Variants in THPO observed in about 807,000 individuals in gnomAD.
The protein encoded by THPO is MPL ligand.
A neutral mutation model predicts 17.0 loss-of-function variants in THPO; 12 were observed. The observed-to-expected ratio is 0.71, with a 90% confidence interval of 0.45 to 1.14. The LOEUF is 1.14. Ranked by LOEUF, THPO falls within the 50% of genes most tolerant of loss-of-function variation. The probability of loss-of-function intolerance (pLI) is 0.00; values close to 1 mark genes in which losing one functional copy is unlikely to be tolerated. For synonymous variants in THPO, 188 were observed against 183.0 expected (o/e 1.03, Z -0.22); for missense variants, 365 against 427.5 (o/e 0.85, Z 1.29).
chr3:184,375,335 C>A (rs1342350915), intron 4 of THPO, among the ~76,000 whole-genome samples, 180 bp downstream of exon 4: 1 of 152,200 alleles, frequency 6.6e-6, no homozygotes, highest in African/African-American at 2.4e-5. Context: ...ACATATTGGA[C>A]CTGCAAGCCA....
At position 184,372,968 on chromosome 3, in the gene THPO, A is replaced by G; in HGVS notation, c.607T>C (p.Leu203=). 6.2e-7 allele frequency: 1 copy of G among 1,614,174 alleles called. No individual in the cohort carries two copies. The highest frequency in any genetic ancestry group is 8.5e-7 in the Non-Finnish European group (1 of 1,180,026). ...GCTGAGGCAGTGAAGTTTGTCTCCAACAATCCAGAAGTCCTGTTTGGGAGC... is the reference window on the plus strand; with the variant it reads ...GCTGAGGCAGTGAAGTTTGTCTCCAGCAATCCAGAAGTCCTGTTTGGGAGC... ...NELPNRTSGL[L]ETNFTASART... is the part of the protein sequence containing the mutation. Residue 203 remains leucine, a synonymous_variant, in exon 6 of 6, where the codon TTG becomes CTG. Coordinates refer to ENST00000647395, the MANE Select transcript of THPO (RefSeq NM_000460.4).
rs1714001155 is a variant in THPO at position 184,372,675 on chromosome 3, A to G, written c.900T>C (p.Pro300=). Residue 300 remains proline (P), a synonymous_variant, in exon 6 of 6, where the codon CCT becomes CCC. Coordinates refer to ENST00000647395, the MANE Select transcript of THPO (RefSeq NM_000460.4). ...GAGGGAAGAGCGTATACTGTCCAGT[A>G]GGAGGATGGGTTGGGGAAGGAGAAT... ...PGYSPSPTHP[P]TGQYTLFPLP... The G allele has an allele frequency of 6.2e-7, 1 of 1,612,994 alleles. No individual in the cohort carries two copies. The highest frequency in any genetic ancestry group is 2.2e-5 in the East Asian group (1 of 44,852).
intron 1 of THPO, among the ~76,000 whole-genome samples, chr3:184,376,855 AAAG>A (rs149956844): frequency 0.076 from 10,748 of 141,172 alleles, 424 homozygotes; most frequent in East Asian, 0.13. Flanking sequence ...CAAAAAAAAA[AAAG>A]AAAGAAAGAA....
chr3:184,377,921 C>G (rs1401784970), intron 1 of THPO, among the ~76,000 whole-genome samples, 154 bp downstream of exon 1: 1 of 152,206 alleles, frequency 6.6e-6, no homozygotes, highest in Non-Finnish European at 1.5e-5. Flanking sequence ...CCCTGCTCTG[C>G]CCTGCTCCTC....
intron 4 of THPO, 136 bp downstream of exon 4, chr3:184,375,379 T>C: frequency 2.4e-6 from 2 of 822,062 alleles, no homozygotes; most frequent in Non-Finnish European, 4.2e-6. Context: ...CATAGGTGAA[T>C]GTAGATTGGG....
chr3:184,379,422 C>T (rs1441930999), upstream of THPO, among the ~76,000 whole-genome samples: 1 of 152,032 alleles, frequency 6.6e-6, no homozygotes, highest in African/African-American at 2.4e-5. Context: ...ACTGTCACTC[C>T]ACAGAAGGGG....
intron 1 of THPO, among the ~76,000 whole-genome samples, chr3:184,376,854 A>AAG (rs1553862297): frequency 2.7e-5 from 4 of 150,616 alleles, no homozygotes; most frequent in Admixed American, 6.6e-5. Context: ...TCAAAAAAAA[A>AAG]AAAGAAAGAA....
rs371189857 is a variant in THPO at position 184,375,641 on chromosome 3, TAGAG to T, written c.142-44_142-41del. ...TGGTGGGGGGAGAAGGGAGCTGAAA[TAGAG>T]AGAGCTATGGTAGCCTAATAAGCAG... On this transcript the variant is annotated intron_variant, in intron 3 of 5. Coordinates refer to ENST00000647395, the MANE Select transcript of THPO (RefSeq NM_000460.4). 1.3e-4 allele frequency: 214 copies of T among 1,601,938 alleles called. 1 individual carries two copies. The Admixed American group carries it at 1.6e-3, about 12-fold the overall frequency.
rs780379594 is a variant in THPO at position 184,372,719 on chromosome 3, G to A, written c.856C>T (p.Pro286Ser). 1.9e-6 allele frequency: 3 copies of A among 1,613,666 alleles called. No homozygotes were observed. The African/African-American group carries it at 4.0e-5, about 22-fold the overall frequency. ...SGTSDTGSLPPNLQPGYSPSP... is the reference protein window; with the variant it reads ...SGTSDTGSLPSNLQPGYSPSP... ...GGAGAATATCCAGGCTGGAGGTTGG[G>A]TGGCAGGGAGCCTGTGTCTGATGTT... The change falls in exon 6 of 6, where the codon CCC becomes TCC. Residue 286 changes from proline to serine, a missense_variant. Transcript: ENST00000647395.
chr3:184,373,220 G>A (rs1225033734), intron 5 of THPO, 42 bp from the exon 6 acceptor site: 1 of 1,605,108 alleles, frequency 6.2e-7, no homozygotes, highest in Non-Finnish European at 8.5e-7. Context: ...ACCAGGGCCA[G>A]ATCTCAGGCC....
chr3:184,378,981 G>T, upstream of THPO: 1 of 464,388 alleles, frequency 2.2e-6, no homozygotes, highest in Non-Finnish European at 2.8e-6. Context: ...TTTGGCCCTG[G>T]CTCTAGCTCC....
At position 184,376,290 on chromosome 3, in the gene THPO, CCT is replaced by C. The variant is rs760780139; in HGVS notation, c.-33_-32del. ...CCGGGGTGTCTGGCTGGCGTGGCTC[CCT>C]GTTTGGGGCCTCTCCCCTGAATCCT... On this transcript the variant is annotated 5_prime_UTR_variant, in exon 2 of 6. Transcript: ENST00000647395. 6.2e-7 allele frequency: 1 copy of C among 1,614,210 alleles called. No homozygotes were observed. Among genetic ancestry groups the C allele is most frequent in the East Asian group, 2.2e-5 (1 of 44,886 alleles).
chr3:184,372,686 T>A lies in THPO; in HGVS notation c.889A>T (p.Thr297Ser), dbSNP rs530613857. The A allele has an allele frequency of 3.1e-6, 5 of 1,611,986 alleles. No homozygotes were observed. The African/African-American group carries it at 6.7e-5, about 22-fold the overall frequency. The change falls in exon 6 of 6, where the codon ACC becomes TCC. Residue 297 changes from threonine to serine, a missense_variant. Thr to Ser is a moderately conservative substitution (Grantham distance 58). Coordinates refer to ENST00000647395, the MANE Select transcript of THPO (RefSeq NM_000460.4). Reference protein sequence around the residue: ...NLQPGYSPSPTHPPTGQYTLF... With the variant: ...NLQPGYSPSPSHPPTGQYTLF... ...GTATACTGTCCAGTAGGAGGATGGG[T>A]TGGGGAAGGAGAATATCCAGGCTGG...
chr3:184,378,757 C>A (rs1327304098), upstream of THPO: 1 of 977,244 alleles, frequency 1.0e-6, no homozygotes, highest in African/African-American at 1.8e-5. Context: ...TAAGCCTGAG[C>A]TTAGGTGCTC....
chr3:184,374,840 G>A (rs559669156), intron 4 of THPO, among the ~76,000 whole-genome samples: 3 of 152,176 alleles, frequency 2.0e-5, no homozygotes, highest in Admixed American at 6.5e-5. Flanking sequence ...CCAGGCTGGA[G>A]TGCATTGGCA....
intron 3 of THPO, 54 bp downstream of exon 3, chr3:184,375,834 T>C: frequency 6.2e-7 from 1 of 1,610,174 alleles, no homozygotes; most frequent in Non-Finnish European, 8.5e-7. Flanking sequence ...TTCCTGGGAG[T>C]ATGGGTGTCT....
At position 184,378,118 on chromosome 3, in the gene THPO, C is replaced by T; in HGVS notation, c.-189G>A. On this transcript the variant is annotated 5_prime_UTR_variant, in exon 1 of 6. Transcript: ENST00000647395. The stretch of plus-strand genomic sequence containing the variant: ...AGGACCCAAGTGCACAGCAGGCAGC[C>T]CTCTGGGGAGCAGATGGGTAGGAAG... 1.0e-6 allele frequency: 1 copy of T among 985,654 alleles called. No individual in the cohort carries two copies. The highest frequency in any genetic ancestry group is 1.2e-6 in the Non-Finnish European group (1 of 830,090). The allele number at this position is 985,654 out of a possible 1,614,324, so 61.1% of individuals were successfully genotyped here.
chr3:184,372,545 T>A lies in THPO; in HGVS notation c.1030A>T (p.Thr344Ser). The A allele has an allele frequency of 6.2e-7, 1 of 1,613,244 alleles. No homozygotes were observed. The highest frequency in any genetic ancestry group is 8.5e-7 in the Non-Finnish European group (1 of 1,179,832). The change falls in exon 6 of 6, where the codon ACC (threonine) becomes TCC (serine). Residue 344 changes from threonine (T) to serine (S), a missense_variant. Physicochemically the swap from Thr to Ser is moderately conservative, Grantham distance 58. Transcript: ENST00000647395. ...TCCTGAGACAGATTCTGGGAGTGGG[T>A]GTAGGATGTGTTTAGAAGAGGGCTG... ...PTSPLLNTSY[T>S]HSQNLSQEG
chr3:184,375,699 A>G (rs1714329643), intron 3 of THPO, 98 bp from the exon 4 acceptor site: 1 of 1,481,824 alleles, frequency 6.7e-7, no homozygotes, highest in African/African-American at 1.4e-5. Context: ...CTATCTCTAG[A>G]CGAGAGCTTT....
Sources: allele counts gnomAD v4.1 joint callset (sites outside exome capture counted in the v4.1 genomes callset), GRCh38; gene constraint gnomAD v4.1.1; transcripts MANE v1.5; gene names NCBI Gene and HGNC (gene_info 2026-07-23, HGNC 2026-07-21).